FRMD4A: variants seen among roughly 807,000 people sequenced by gnomAD.
FRMD4A encodes FERM domain containing 4A.
Under a neutral mutation model 129.1 loss-of-function variants are expected in FRMD4A, and 29 were observed. The ratio of observed to expected loss-of-function variants is 0.22; its 90% CI spans 0.17 to 0.31. The LOEUF (loss-of-function observed/expected upper bound fraction) is 0.31, where lower values mean the gene tolerates loss of function less well. Ranked by LOEUF, FRMD4A falls within the 10% of genes least tolerant of loss-of-function variation. The pLI, the probability that FRMD4A is intolerant of heterozygous loss-of-function variation, is 1.00. For synonymous variants in FRMD4A, 634 were observed against 571.6 expected, an observed-to-expected ratio of 1.11 and a Z score of -1.56; for missense variants, 1,272 against 1,375.8, an observed-to-expected ratio of 0.92 and a Z score of 1.19.
In FRMD4A at chr10:14,200,163, G is replaced by T. The variant is rs1842593569; in HGVS notation, c.45+129895C>A. Among the ~76,000 whole-genome samples the T allele has an allele frequency of 1.3e-5, 2 of 150,432 alleles. 1 individual carries two copies. The highest frequency in any genetic ancestry group is 3.0e-5 in the Non-Finnish European group (2 of 67,260). ...CTGCCTCAGCTTCCCGCAGTGTTGG[G>T]ATTACACGCATGAGCCACTGTGCCA... On this transcript the variant is annotated intron_variant, in intron 2 of 24. Transcript: ENST00000357447.
chr10:14,186,267 T>G (rs781009236), intron 2 of FRMD4A, among the ~76,000 whole-genome samples: 16 of 152,118 alleles, frequency 1.1e-4, no homozygotes, highest in Non-Finnish European at 2.2e-4. Context: ...AACCAGCCTG[T>G]GATGTCACAG....
rs1002844396 is a variant in FRMD4A, at chr10:14,209,182, T to A, written c.45+120876A>T. Among the ~76,000 whole-genome samples, 9 of 152,250 alleles carry A rather than the reference T, an allele frequency of 5.9e-5. 1 individual carries two copies. The highest frequency in any genetic ancestry group is 6.5e-5 in the Admixed American group (1 of 15,292). ...CGTCTTCACATGGCATCCTCCTCTG[T>A]GTGTCTCTCCTGACACTTTTCTTCT... On this transcript the variant is annotated intron_variant, in intron 2 of 24. Transcript: ENST00000357447.
intron 9 of FRMD4A, among the ~76,000 whole-genome samples, chr10:13,743,915 G>T (rs548781960): frequency 6.6e-6 from 1 of 152,048 alleles, no homozygotes; most frequent in Non-Finnish European, 1.5e-5. Context: ...TTTGTAGCAG[G>T]GACTCAAGGG....
At chr10:13,847,711 G>A (rs1197546350) in intron 3 of FRMD4A, among the ~76,000 whole-genome samples, 1 of 152,166 alleles carries the variant, frequency 6.6e-6, no homozygotes, top group Non-Finnish European at 1.5e-5. Context: ...AGAACACTCA[G>A]CCCATTTTAG....
chr10:14,187,888 T>A (rs1451459669), intron 2 of FRMD4A, among the ~76,000 whole-genome samples: 1 of 152,234 alleles, frequency 6.6e-6, no homozygotes, highest in Non-Finnish European at 1.5e-5. Flanking sequence ...ATTAGCTTTA[T>A]GGGCCTTGGG....
intron 4 of FRMD4A, among the ~76,000 whole-genome samples, chr10:13,803,526 A>T (rs1225108433): frequency 6.6e-6 from 1 of 151,512 alleles, no homozygotes; most frequent in Admixed American, 6.6e-5. Flanking sequence ...TTTGTAAAGT[A>T]GAGGTTTTGC....
intron 2 of FRMD4A, among the ~76,000 whole-genome samples, chr10:14,316,524 A>AAAAAAAAAAAAAAAAAG (rs556192567): frequency 2.3e-5 from 3 of 132,612 alleles, no homozygotes; most frequent in Non-Finnish European, 4.9e-5. Flanking sequence ...AAAAAAAAAA[A>AAAAAAAAAAAAAAAAAG]AAGAAGAAGA....
At chr10:13,961,319 G>A (rs1201837017) in intron 2 of FRMD4A, among the ~76,000 whole-genome samples, 1 of 152,226 alleles carries the variant, frequency 6.6e-6, no homozygotes, top group Admixed American at 6.5e-5. Flanking sequence ...GTGGTGATGA[G>A]CTCATACCCT....
At chr10:14,288,803 C>T (rs376657028) in intron 2 of FRMD4A, among the ~76,000 whole-genome samples, 1 of 152,178 alleles carries the variant, frequency 6.6e-6, no homozygotes, top group South Asian at 2.1e-4. Flanking sequence ...CCAGCCCCTG[C>T]AACCACCTTC....
intron 2 of FRMD4A, among the ~76,000 whole-genome samples, chr10:14,152,041 G>A (rs971044642): frequency 6.7e-5 from 10 of 150,350 alleles, no homozygotes; most frequent in East Asian, 2.0e-4. Context: ...TAATGGGTTC[G>A]TGTCAGTCTC....
chr10:13,652,690 G>A (rs2081746622), intron 23 of FRMD4A, among the ~76,000 whole-genome samples: 1 of 152,276 alleles, frequency 6.6e-6, no homozygotes, highest in East Asian at 1.9e-4. Flanking sequence ...CCGAGCTGGG[G>A]CTCCAGTTTC....
chr10:14,096,576 A>G (rs1459013455), intron 2 of FRMD4A, among the ~76,000 whole-genome samples: 1 of 152,190 alleles, frequency 6.6e-6, no homozygotes, highest in Non-Finnish European at 1.5e-5. Context: ...TAAGTTTTTC[A>G]ATATTAGATA....
chr10:14,263,832 G>C (rs938482585), intron 2 of FRMD4A, among the ~76,000 whole-genome samples: 1 of 152,146 alleles, frequency 6.6e-6, no homozygotes, highest in African/African-American at 2.4e-5. Flanking sequence ...ACCCAATTGA[G>C]GCATTCCAGC....
chr10:13,684,877 A>C, intron 15 of FRMD4A: 1 of 985,204 alleles, frequency 1.0e-6, no homozygotes, highest in South Asian at 4.7e-5. Flanking sequence ...TAGAGAAAAA[A>C]AAAAAAAAAT....
intron 2 of FRMD4A, among the ~76,000 whole-genome samples, chr10:13,872,684 G>A (rs997868732): frequency 3.9e-5 from 6 of 152,192 alleles, no homozygotes; most frequent in Admixed American, 3.9e-4. Context: ...CTGTTCCCTG[G>A]GGGAACAGTG....
At chr10:14,287,517 C>T (rs1845720228) in intron 2 of FRMD4A, among the ~76,000 whole-genome samples, 1 of 152,082 alleles carries the variant, frequency 6.6e-6, no homozygotes, top group Non-Finnish European at 1.5e-5. Flanking sequence ...TAACAAAGGA[C>T]CACAAAATCT....
At chr10:13,696,393 C>G (rs952313252) in intron 14 of FRMD4A, among the ~76,000 whole-genome samples, 1 of 152,172 alleles carries the variant, frequency 6.6e-6, no homozygotes, top group Non-Finnish European at 1.5e-5. Context: ...CAATAACTCA[C>G]GAAGGCCTAG....
chr10:13,972,423 C>G lies in FRMD4A; in HGVS notation c.46-113511G>C, dbSNP rs141538598. 655 of 529,686 alleles carry G rather than the reference C, an allele frequency of 1.2e-3. 5 individuals are homozygous for G. Among genetic ancestry groups the G allele is most frequent in the African/African-American group, 0.011 (535 of 48,562 alleles). The allele number at this position is 529,686 out of a possible 1,614,324, so 32.8% of individuals were successfully genotyped here. A position where few individuals can be genotyped will look rare whatever the true frequency, so the allele number is the denominator to read the frequency against. ...GCCAGGCATTTTCTTTGGAAGCGTC[C>G]CAAGTTTAGGTTGGGATTGAAATGG... On this transcript the variant is annotated intron_variant, in intron 2 of 24. Transcript: ENST00000357447.
intron 2 of FRMD4A, among the ~76,000 whole-genome samples, chr10:14,110,082 T>C (rs1174988222): frequency 3.8e-5 from 5 of 130,760 alleles, no homozygotes; most frequent in African/African-American, 8.8e-5. Context: ...TGAGCTGAGA[T>C]TGCGCCACTA....
Sources: gnomAD v4.1 joint callset for allele counts (sites outside exome capture counted in the v4.1 genomes callset) on GRCh38, gnomAD v4.1.1 for gene constraint, MANE v1.5 for transcripts, NCBI Gene and HGNC (gene_info 2026-07-23, HGNC 2026-07-21) for gene names.